Variants in UNC5C observed in about 807,000 individuals in gnomAD.
UNC5C encodes the protein unc-5 netrin receptor C, also known as netrin receptor UNC5C.
UNC5C carries 47 observed loss-of-function variants against 99.8 expected under a neutral mutation model. The observed-to-expected ratio is 0.47, with a 90% confidence interval of 0.37 to 0.60. The LOEUF (loss-of-function observed/expected upper bound fraction) is 0.60. Ranked by LOEUF, UNC5C falls within the 20% of genes least tolerant of loss-of-function variation. The pLI, the probability that UNC5C is intolerant of heterozygous loss-of-function variation, is 0.00. For missense variants in UNC5C, 1,062 were observed against 1,165.9 expected, an observed-to-expected ratio of 0.91 and a Z score of 1.30; for synonymous variants, 487 against 452.2, an observed-to-expected ratio of 1.08 and a Z score of -0.98.
At chr4:95,365,656 T>A (rs932030488) in intron 1 of UNC5C, among the ~76,000 whole-genome samples, 1 of 152,034 alleles carries the variant, frequency 6.6e-6, no homozygotes. Context: ...TGCCAATTGA[T>A]CTTTATCTTT....
intron 2 of UNC5C, among the ~76,000 whole-genome samples, chr4:95,327,127 A>G (rs1742918189): frequency 6.6e-6 from 1 of 152,220 alleles, no homozygotes. Context: ...ACAATACTAC[A>G]GTCAGACTCC....
intron 1 of UNC5C, among the ~76,000 whole-genome samples, chr4:95,447,378 G>A (rs1446956914): frequency 6.6e-6 from 1 of 152,048 alleles, no homozygotes; most frequent in Non-Finnish European, 1.5e-5. Flanking sequence ...CTGAGACAAG[G>A]GCCCTGATTT....
chr4:95,243,353 T>C (rs1739393166), intron 6 of UNC5C, among the ~76,000 whole-genome samples: 2 of 152,188 alleles, frequency 1.3e-5, no homozygotes, highest in Admixed American at 1.3e-4. Flanking sequence ...GATAATGAAC[T>C]TAGATATCTC....
intron 2 of UNC5C, among the ~76,000 whole-genome samples, chr4:95,318,640 G>A (rs1384119261): frequency 6.6e-6 from 1 of 152,174 alleles, no homozygotes; most frequent in Non-Finnish European, 1.5e-5. Context: ...TCATTGTCCA[G>A]GGTCATCCAG....
chr4:95,323,795 T>G (rs1385128508), intron 2 of UNC5C, among the ~76,000 whole-genome samples: 1 of 152,160 alleles, frequency 6.6e-6, no homozygotes, highest in Non-Finnish European at 1.5e-5. Flanking sequence ...CCCAGCACTT[T>G]GGGAGGCCAA....
intron 1 of UNC5C, among the ~76,000 whole-genome samples, chr4:95,359,349 G>C (rs1176026775): frequency 6.6e-6 from 1 of 152,100 alleles, no homozygotes; most frequent in African/African-American, 2.4e-5. Context: ...AATCAGGCAT[G>C]TAACTTCTTT....
At position 95,219,335 on chromosome 4, in the gene UNC5C, A is replaced by G. The variant is rs553570289; in HGVS notation, c.1301-22T>C. 3.7e-5 allele frequency: 60 copies of G among 1,601,462 alleles called. No individual in the cohort carries two copies. In the South Asian group the frequency reaches 6.1e-4, roughly 16 times the overall value. ...AGATCTGAGTCAGAAAGAGAAAATAATCCCATTGGCATTCTCCATTCAGGC... is the reference window on the plus strand; with the variant it reads ...AGATCTGAGTCAGAAAGAGAAAATAGTCCCATTGGCATTCTCCATTCAGGC... On this transcript the variant is annotated intron_variant, in intron 8 of 15. Transcript: ENST00000453304.
intron 1 of UNC5C, among the ~76,000 whole-genome samples, chr4:95,535,063 C>A (rs1722740053): frequency 6.6e-6 from 1 of 152,044 alleles, no homozygotes; most frequent in African/African-American, 2.4e-5. Context: ...AAAGCACAAA[C>A]TTATTTTTTT....
chr4:95,356,104 C>T (rs1744176330), intron 1 of UNC5C, among the ~76,000 whole-genome samples: 1 of 144,452 alleles, frequency 6.9e-6, no homozygotes, highest in South Asian at 2.3e-4. Flanking sequence ...GTTGGAGGAT[C>T]ATTTGAGCCC....
chr4:95,189,115 T>C (rs975111929), intron 12 of UNC5C, among the ~76,000 whole-genome samples: 16 of 152,212 alleles, frequency 1.1e-4, no homozygotes, highest in Non-Finnish European at 2.4e-4. Context: ...GGCCTCTTTG[T>C]TCTCAGAAAC....
At chr4:95,356,917 C>T (rs1367607409) in intron 1 of UNC5C, among the ~76,000 whole-genome samples, 4 of 151,968 alleles carry the variant, frequency 2.6e-5, no homozygotes, top group African/African-American at 9.7e-5. Context: ...GGAAACTGGG[C>T]GCAACTGGTC....
At chr4:95,462,006 C>T (rs997363146) in intron 1 of UNC5C, among the ~76,000 whole-genome samples, 4 of 152,058 alleles carry the variant, frequency 2.6e-5, no homozygotes, top group Non-Finnish European at 5.9e-5. Flanking sequence ...GTGATTCCCA[C>T]AATCCTTTCC....
At chr4:95,261,853 G>A (rs1740246673) in intron 4 of UNC5C, among the ~76,000 whole-genome samples, 1 of 152,096 alleles carries the variant, frequency 6.6e-6, no homozygotes, top group Admixed American at 6.5e-5. Context: ...ACAGGGGCAT[G>A]CCACGATGCC....
intron 1 of UNC5C, among the ~76,000 whole-genome samples, chr4:95,417,684 G>C (rs1746206355): frequency 6.6e-6 from 1 of 152,122 alleles, no homozygotes; most frequent in African/African-American, 2.4e-5. Context: ...GAAGGAACGG[G>C]GGCAGGCACA....
intron 1 of UNC5C, among the ~76,000 whole-genome samples, chr4:95,411,745 GAGAATAC>G (rs1174758083): frequency 4.6e-5 from 7 of 152,134 alleles, no homozygotes; most frequent in African/African-American, 1.7e-4. Flanking sequence ...TGATATTTAG[GAGAATAC>G]AGTTAATTAT....
chr4:95,413,512 G>T (rs1285780469), intron 1 of UNC5C, among the ~76,000 whole-genome samples: 2 of 152,094 alleles, frequency 1.3e-5, no homozygotes, highest in African/African-American at 4.8e-5. Context: ...TGCCACATTT[G>T]TATGGAGGGT....
chr4:95,441,039 G>A (rs954983586), intron 1 of UNC5C, among the ~76,000 whole-genome samples: 3 of 151,964 alleles, frequency 2.0e-5, no homozygotes, highest in Non-Finnish European at 4.4e-5. Flanking sequence ...AAACGAAACT[G>A]GACAGGTCAT....
intron 2 of UNC5C, among the ~76,000 whole-genome samples, chr4:95,318,809 C>T (rs1326734823): frequency 6.6e-6 from 1 of 152,180 alleles, no homozygotes; most frequent in Non-Finnish European, 1.5e-5. Context: ...TCTGCTTTAG[C>T]AGTTTAATAG....
intron 10 of UNC5C, among the ~76,000 whole-genome samples, chr4:95,212,983 C>T (rs891379126): frequency 1.4e-4 from 21 of 152,220 alleles, no homozygotes; most frequent in Admixed American, 1.4e-3. Context: ...GGCACCAAGC[C>T]TTCTGGGCGA....
Sources: allele counts gnomAD v4.1 joint callset (sites outside exome capture counted in the v4.1 genomes callset), GRCh38; gene constraint gnomAD v4.1.1; transcripts MANE v1.5; gene names NCBI Gene and HGNC (gene_info 2026-07-23, HGNC 2026-07-21).